PDZRN3: variants seen among roughly 807,000 people sequenced by gnomAD.
PDZRN3 encodes the protein E3 ubiquitin-protein ligase PDZRN3.
In PDZRN3, 38 loss-of-function variants were observed where a neutral mutation model predicts 85.7. That is an observed-to-expected ratio of 0.44 (90% CI 0.34 to 0.58). The LOEUF (loss-of-function observed/expected upper bound fraction) is 0.58, where lower values mean the gene tolerates loss of function less well. Among genes scored for constraint, PDZRN3 ranks in the 20% least tolerant of loss-of-function variants. The pLI is 0.01. For synonymous variants in PDZRN3, 759 were observed against 638.0 expected (o/e 1.19, Z -2.86); for missense variants, 1,629 against 1,506.4 (o/e 1.08, Z -1.35).
intron 7 of PDZRN3, 62 bp from the exon 8 acceptor site, chr3:73,388,131 A>G: frequency 1.3e-6 from 1 of 786,098 alleles, no homozygotes; most frequent in East Asian, 2.6e-5. Context: ...TAGATGGTGC[A>G]AAATCATTCT....
chr3:73,395,961 A>G (rs535183770), intron 5 of PDZRN3, among the ~76,000 whole-genome samples: 68 of 152,322 alleles, frequency 4.5e-4, no homozygotes, highest in African/African-American at 1.5e-3. Context: ...AGTGGCTCAT[A>G]CCTGTAATCC....
rs114149216 is a variant in PDZRN3, at chr3:73,526,065, G to A, written c.918+76289C>T. ...TGCTGTGCACGGACTACGTGATCTC[G>A]GCAAGTTACTGAACCTCTCTGGGCG... On this transcript the variant is annotated intron_variant, in intron 3 of 9. Coordinates refer to ENST00000263666, the MANE Select transcript of PDZRN3 (RefSeq NM_015009.3). Among the ~76,000 whole-genome samples the A allele has an allele frequency of 3.1e-3, 469 of 152,222 alleles. 3 individuals are homozygous for A. The highest frequency in any genetic ancestry group is 9.6e-3 in the African/African-American group (400 of 41,548).
chr3:73,542,213 CA>C (rs1704940709), intron 3 of PDZRN3, among the ~76,000 whole-genome samples: 1 of 152,148 alleles, frequency 6.6e-6, no homozygotes, highest in African/African-American at 2.4e-5. Context: ...AAAGGCAAAG[CA>C]AAAATGAAAT....
intron 3 of PDZRN3, among the ~76,000 whole-genome samples, chr3:73,457,350 G>A (rs993043738): frequency 6.6e-6 from 1 of 152,110 alleles, no homozygotes; most frequent in African/African-American, 2.4e-5. Context: ...TGGGATTACA[G>A]GTATGAGCCA....
intron 3 of PDZRN3, among the ~76,000 whole-genome samples, chr3:73,526,762 A>T (rs890587639): frequency 6.6e-6 from 1 of 152,032 alleles, no homozygotes; most frequent in Non-Finnish European, 1.5e-5. Flanking sequence ...ATCTCGACTC[A>T]CTGCAACCTC....
chr3:73,600,337 A>ACTCTCTCT (rs1553706426), intron 3 of PDZRN3, among the ~76,000 whole-genome samples: 2,049 of 100,008 alleles, frequency 0.02, 39 homozygotes, highest in South Asian at 0.075. Flanking sequence ...ACACACACAC[A>ACTCTCTCT]CTCTCTCTCT....
In PDZRN3 at chr3:73,404,210, CATG is replaced by C; in HGVS notation, c.1101_1103del (p.Ile367del). On this transcript the variant is annotated inframe_deletion, in exon 4 of 10. Coordinates refer to ENST00000263666, the MANE Select transcript of PDZRN3 (RefSeq NM_015009.3). ...TGGGAGAGGACATCTTAGTGAGGGC[CATG>C]ATATGTTCAAAGGTGATGTCGGTTT... The C allele has an allele frequency of 6.2e-7, 1 of 1,614,012 alleles. No homozygotes were observed. Among genetic ancestry groups the C allele is most frequent in the Non-Finnish European group, 8.5e-7 (1 of 1,179,928 alleles).
At chr3:73,574,724 G>C (rs1019822578) in intron 3 of PDZRN3, among the ~76,000 whole-genome samples, 14 of 152,274 alleles carry the variant, frequency 9.2e-5, no homozygotes, top group African/African-American at 3.1e-4. Context: ...CTCCCAAAGG[G>C]GGAACAAGCA....
chr3:73,436,871 C>A (rs533274872), intron 3 of PDZRN3, among the ~76,000 whole-genome samples: 1 of 151,826 alleles, frequency 6.6e-6, no homozygotes, highest in African/African-American at 2.4e-5. Context: ...CATGGTGAAA[C>A]CCTGTCTCTA....
intron 3 of PDZRN3, among the ~76,000 whole-genome samples, chr3:73,450,484 G>A (rs977731549): frequency 6.6e-6 from 1 of 152,194 alleles, no homozygotes; most frequent in African/African-American, 2.4e-5. Context: ...GGCCTATCAC[G>A]TAATCAGGCA....
intron 3 of PDZRN3, among the ~76,000 whole-genome samples, chr3:73,438,123 CAG>C (rs1160259385): frequency 1.3e-5 from 2 of 152,158 alleles, no homozygotes; most frequent in Non-Finnish European, 2.9e-5. Context: ...TCTGCACCAT[CAG>C]ACGCCTGCCT....
At chr3:73,499,123 ACT>A (rs1309274883) in intron 3 of PDZRN3, among the ~76,000 whole-genome samples, 1 of 151,964 alleles carries the variant, frequency 6.6e-6, no homozygotes, top group Non-Finnish European at 1.5e-5. Context: ...CTCCGTAATC[ACT>A]CTGCTGAGTG....
chr3:73,387,145 C>T (rs1014326241), intron 8 of PDZRN3, among the ~76,000 whole-genome samples: 1 of 152,218 alleles, frequency 6.6e-6, no homozygotes, highest in Admixed American at 6.5e-5. Context: ...GAGGCCTCCC[C>T]AGCCATGTGG....
chr3:73,528,912 A>G (rs918711789), intron 3 of PDZRN3, among the ~76,000 whole-genome samples: 38 of 138,148 alleles, frequency 2.8e-4, no homozygotes, highest in African/African-American at 8.1e-4. Context: ...ACACACACAC[A>G]CACACGCACA....
In PDZRN3 at chr3:73,394,547, T is replaced by C. The variant is rs150857046; in HGVS notation, c.1255-3431A>G. On this transcript the variant is annotated intron_variant, in intron 5 of 9. Transcript: ENST00000263666. ...CTGTGTTATCAAAGGATGAGTGATA[T>C]TGGATGAACAAATGCTGGTGAAGCA... Among the ~76,000 whole-genome samples, 849 of 152,330 alleles carry C rather than the reference T, an allele frequency of 5.6e-3. 7 individuals are homozygous for C. Among genetic ancestry groups the C allele is most frequent in the African/African-American group, 0.02 (817 of 41,582 alleles).
intron 3 of PDZRN3, among the ~76,000 whole-genome samples, chr3:73,565,294 A>C (rs1212330948): frequency 6.6e-6 from 1 of 151,782 alleles, no homozygotes; most frequent in African/African-American, 2.4e-5. Flanking sequence ...ATGTCCTGCT[A>C]ATTTTTTGTA....
chr3:73,393,207 G>C (rs1156654553), intron 5 of PDZRN3, among the ~76,000 whole-genome samples: 1 of 152,130 alleles, frequency 6.6e-6, no homozygotes, highest in African/African-American at 2.4e-5. Flanking sequence ...CGAGCAGTGG[G>C]AAGATTGTAG....
At chr3:73,506,372 G>A (rs993530910) in intron 3 of PDZRN3, among the ~76,000 whole-genome samples, 1 of 152,046 alleles carries the variant, frequency 6.6e-6, no homozygotes, top group African/African-American at 2.4e-5. Flanking sequence ...AGATGAAAAG[G>A]TTGACATCTT....
At chr3:73,396,758 C>T (rs1458501926) in intron 5 of PDZRN3, among the ~76,000 whole-genome samples, 4 of 152,164 alleles carry the variant, frequency 2.6e-5, no homozygotes, top group Non-Finnish European at 5.9e-5. Context: ...ACTGATGAAT[C>T]GCCTGGGAAA....
Sources: allele counts gnomAD v4.1 joint callset (sites outside exome capture counted in the v4.1 genomes callset), GRCh38; gene constraint gnomAD v4.1.1; transcripts MANE v1.5; gene names NCBI Gene and HGNC (gene_info 2026-07-23, HGNC 2026-07-21).